The following GRM7 variants were observed in gnomAD, a reference collection of about 807,000 sequenced individuals.
GRM7 encodes glutamate metabotropic receptor 7.
Under a neutral mutation model 84.5 loss-of-function variants are expected in GRM7, and 35 were observed. The ratio of observed to expected loss-of-function variants is 0.41; its 90% CI spans 0.32 to 0.55. The LOEUF is 0.55. Ranked by LOEUF, GRM7 falls within the 20% of genes least tolerant of loss-of-function variation. GRM7 has a pLI of 0.19. For missense variants in GRM7, 1,003 were observed against 1,194.6 expected (o/e 0.84, Z 2.36); for synonymous variants, 487 against 455.1 (o/e 1.07, Z -0.89).
chr3:7,636,838 C>A (rs1244758004), intron 8 of GRM7, among the ~76,000 whole-genome samples: 7 of 152,164 alleles, frequency 4.6e-5, no homozygotes, highest in Non-Finnish European at 1.5e-5. Context: ...ATGACAAGCC[C>A]CATCTCGTGT....
chr3:7,550,584 T>TGC (rs1260674986), intron 7 of GRM7, among the ~76,000 whole-genome samples: 1 of 95,714 alleles, frequency 1.0e-5, no homozygotes, highest in African/African-American at 3.5e-5. Context: ...TCTCTGTGTG[T>TGC]GTGTGTGTGT....
At chr3:7,409,087 G>C (rs1250101193) in intron 4 of GRM7, among the ~76,000 whole-genome samples, 1 of 152,058 alleles carries the variant, frequency 6.6e-6, no homozygotes, top group Non-Finnish European at 1.5e-5. Context: ...TTATTTATGT[G>C]CCAAGACTAC....
At chr3:7,527,167 AT>A (rs1700839843) in intron 7 of GRM7, among the ~76,000 whole-genome samples, 1 of 151,838 alleles carries the variant, frequency 6.6e-6, no homozygotes, top group African/African-American at 2.4e-5. Context: ...AAAGAGGGAC[AT>A]TTTTTCATTT....
chr3:7,484,443 T>C (rs890000729), intron 7 of GRM7, among the ~76,000 whole-genome samples: 1 of 152,170 alleles, frequency 6.6e-6, no homozygotes, highest in South Asian at 2.1e-4. Flanking sequence ...ATACTGTGAG[T>C]AGAATATGTG....
At chr3:7,309,380 T>C (rs1373359007) in intron 4 of GRM7, among the ~76,000 whole-genome samples, 5 of 152,176 alleles carry the variant, frequency 3.3e-5, no homozygotes, top group African/African-American at 1.2e-4. Context: ...TACAGTCATT[T>C]GCTTGTTTTC....
intron 1 of GRM7, among the ~76,000 whole-genome samples, chr3:6,953,121 C>T (rs1692859654): frequency 6.6e-6 from 1 of 152,206 alleles, no homozygotes; most frequent in East Asian, 1.9e-4. Flanking sequence ...CATGATGTTT[C>T]CAATGTGCTG....
chr3:7,291,601 A>G (rs972764373), intron 2 of GRM7, among the ~76,000 whole-genome samples: 1 of 150,434 alleles, frequency 6.6e-6, no homozygotes, highest in Non-Finnish European at 1.5e-5. Context: ...AACTTTTCCC[A>G]GAACTGACTT....
At chr3:7,177,770 G>A (rs1400429763) in intron 2 of GRM7, among the ~76,000 whole-genome samples, 1 of 152,176 alleles carries the variant, frequency 6.6e-6, no homozygotes, top group Non-Finnish European at 1.5e-5. Flanking sequence ...CTTAATGTAT[G>A]TGCTTAGGAC....
At chr3:7,739,793 G>A (rs1469637411) in intron 9 of GRM7, among the ~76,000 whole-genome samples, 1 of 152,200 alleles carries the variant, frequency 6.6e-6, no homozygotes, top group Non-Finnish European at 1.5e-5. Context: ...ACACCTGACA[G>A]GTTTAAGTGA....
At chr3:6,904,691 A>G (rs1696505139) in intron 1 of GRM7, among the ~76,000 whole-genome samples, 1 of 151,642 alleles carries the variant, frequency 6.6e-6, no homozygotes. Context: ...CAGGACCACA[A>G]TGTTTTTAAT....
chr3:6,943,477 T>G (rs1484659128), intron 1 of GRM7, among the ~76,000 whole-genome samples: 1 of 152,028 alleles, frequency 6.6e-6, no homozygotes, highest in Non-Finnish European at 1.5e-5. Flanking sequence ...ACAAATCTGA[T>G]GCCAAAAAAA....
rs183157191 is a variant in GRM7, at chr3:7,216,594, T to C, written c.736+69926T>C. Among the ~76,000 whole-genome samples, 5 of 152,326 alleles carry C rather than the reference T, an allele frequency of 3.3e-5. No homozygotes were observed. The East Asian group carries it at 5.8e-4, about 18-fold the overall frequency. On this transcript the variant is annotated intron_variant, in intron 2 of 9. Transcript: ENST00000357716. The stretch of plus-strand genomic sequence containing the variant: ...CTGGAAAATAACACATCTTTTGTGG[T>C]CACATCTTTCAATATGTAGGTTACT...
At chr3:7,055,501 G>T (rs776176210) in intron 1 of GRM7, among the ~76,000 whole-genome samples, 1 of 149,746 alleles carries the variant, frequency 6.7e-6, no homozygotes, top group Non-Finnish European at 1.5e-5. Context: ...GTGTGTGTGT[G>T]TGTGTATGTA....
chr3:6,981,637 A>T (rs950382750), intron 1 of GRM7, among the ~76,000 whole-genome samples: 3 of 152,152 alleles, frequency 2.0e-5, no homozygotes, highest in Non-Finnish European at 4.4e-5. Context: ...ATAGCCTCCG[A>T]GTCTGACTTT....
At chr3:7,501,464 G>T (rs1418295796) in intron 7 of GRM7, among the ~76,000 whole-genome samples, 1 of 152,186 alleles carries the variant, frequency 6.6e-6, no homozygotes, top group African/African-American at 2.4e-5. Flanking sequence ...TCTATGCTTT[G>T]ATCATGACAT....
intron 2 of GRM7, among the ~76,000 whole-genome samples, chr3:7,213,114 A>G (rs1369903238): frequency 1.3e-5 from 2 of 152,272 alleles, no homozygotes; most frequent in Non-Finnish European, 2.9e-5. Flanking sequence ...GTTAAATACT[A>G]TTTCTTTCAA....
chr3:7,037,375 A>G (rs764613138), intron 1 of GRM7, among the ~76,000 whole-genome samples: 3 of 152,234 alleles, frequency 2.0e-5, no homozygotes, highest in Non-Finnish European at 2.9e-5. Context: ...ACCTAGCTGT[A>G]TCACTTACTA....
chr3:7,566,079 G>A (rs1368804164), intron 7 of GRM7, among the ~76,000 whole-genome samples: 1 of 118,488 alleles, frequency 8.4e-6, no homozygotes, highest in Admixed American at 8.4e-5. Flanking sequence ...TTGTATTTCT[G>A]TTTTCTTTGG....
intron 8 of GRM7, among the ~76,000 whole-genome samples, chr3:7,606,126 A>ATATT (rs1440699581): frequency 6.6e-6 from 1 of 152,222 alleles, no homozygotes. Flanking sequence ...TAATTTCTGA[A>ATATT]TATTTACATT....
Sources: allele counts gnomAD v4.1 joint callset (sites outside exome capture counted in the v4.1 genomes callset), GRCh38; gene constraint gnomAD v4.1.1; transcripts MANE v1.5; gene names NCBI Gene and HGNC (gene_info 2026-07-23, HGNC 2026-07-21).